TATDN1: variants seen among roughly 807,000 people sequenced by gnomAD.
TATDN1 encodes TatD DNase domain containing 1.
In TATDN1, 40 loss-of-function variants were observed where a neutral mutation model predicts 46.4. The ratio of observed to expected loss-of-function variants is 0.86; its 90% CI spans 0.67 to 1.12. TATDN1 has a LOEUF of 1.12. Ranked by LOEUF, TATDN1 falls within the 50% of genes most tolerant of loss-of-function variation. The pLI, the probability that TATDN1 is intolerant of heterozygous loss-of-function variation, is 0.00. For synonymous variants in TATDN1, 95 were observed against 105.6 expected, an observed-to-expected ratio of 0.90 and a Z score of 0.62; for missense variants, 326 against 348.4, an observed-to-expected ratio of 0.94 and a Z score of 0.51.
chr8:124,520,288 T>C (rs1819910881), intron 3 of TATDN1, among the ~76,000 whole-genome samples: 1 of 151,054 alleles, frequency 6.6e-6, no homozygotes, highest in South Asian at 2.1e-4. Context: ...AATACAAAAA[T>C]TAGCCAGGCG....
chr8:124,493,032 A>C (rs1817159454), intron 11 of TATDN1, among the ~76,000 whole-genome samples: 1 of 152,192 alleles, frequency 6.6e-6, no homozygotes, highest in South Asian at 2.1e-4. Context: ...TTTATAGAAT[A>C]ATTCTTCACT....
chr8:124,521,886 A>C (rs747249378), intron 3 of TATDN1: 3 of 301,390 alleles, frequency 1.0e-5, no homozygotes, highest in African/African-American at 2.2e-5. Context: ...AAGCCTGGTA[A>C]TTCACATAGG....
At chr8:124,529,697 A>C in intron 1 of TATDN1, among the ~76,000 whole-genome samples, 1 of 152,202 alleles carries the variant, frequency 6.6e-6, no homozygotes, top group East Asian at 1.9e-4. Flanking sequence ...CCACTCACTT[A>C]TTTTAAATGT....
intron 1 of TATDN1, among the ~76,000 whole-genome samples, chr8:124,530,723 A>T (rs909394523): frequency 5.3e-5 from 8 of 152,232 alleles, no homozygotes; most frequent in African/African-American, 1.9e-4. Flanking sequence ...GTAGCTAAAC[A>T]TCGAAGTTAT....
intron 1 of TATDN1, chr8:124,538,396 C>T (rs1351985354): frequency 6.5e-6 from 1 of 153,274 alleles, no homozygotes; most frequent in Non-Finnish European, 1.5e-5. Context: ...CCCCACAAAA[C>T]GAGGATCATG....
At chr8:124,511,641 T>C (rs1819026297) in intron 6 of TATDN1, among the ~76,000 whole-genome samples, 2 of 152,140 alleles carry the variant, frequency 1.3e-5, no homozygotes, top group Non-Finnish European at 2.9e-5. Context: ...TTTTCACTCT[T>C]TGCTTCTCTT....
chr8:124,537,195 C>A (rs375352878), intron 1 of TATDN1, among the ~76,000 whole-genome samples: 5 of 152,044 alleles, frequency 3.3e-5, no homozygotes, highest in African/African-American at 4.8e-5. Context: ...TTGTACTACG[C>A]CCCTAGGAAA....
At chr8:124,528,464 C>T (rs767842389) in intron 1 of TATDN1, among the ~76,000 whole-genome samples, 18 of 152,128 alleles carry the variant, frequency 1.2e-4, no homozygotes, top group Non-Finnish European at 2.1e-4. Flanking sequence ...TGAGCCACTG[C>T]GCCCGGCCTC....
intron 1 of TATDN1, among the ~76,000 whole-genome samples, chr8:124,528,816 AAGG>A (rs1403193029): frequency 6.6e-6 from 1 of 152,200 alleles, no homozygotes; most frequent in African/African-American, 2.4e-5. Context: ...CCCTCAACAT[AAGG>A]AGAAGAAAAA....
intron 1 of TATDN1, among the ~76,000 whole-genome samples, chr8:124,525,973 T>C (rs1313339777): frequency 6.6e-6 from 1 of 152,218 alleles, no homozygotes; most frequent in Non-Finnish European, 1.5e-5. Flanking sequence ...GCATTTAAAA[T>C]GTTCACAGCA....
chr8:124,505,395 A>G (rs935289452), intron 8 of TATDN1, among the ~76,000 whole-genome samples: 2 of 151,846 alleles, frequency 1.3e-5, no homozygotes, highest in African/African-American at 4.8e-5. Flanking sequence ...AAAAACAAAA[A>G]CAAAACAAAA....
intron 2 of TATDN1, 78 bp from the exon 3 acceptor site, chr8:124,522,278 G>T: frequency 1.2e-6 from 1 of 817,764 alleles, no homozygotes; most frequent in South Asian, 1.5e-5. Flanking sequence ...TGTGCAAATG[G>T]CTATTTGAAG....
intron 6 of TATDN1, among the ~76,000 whole-genome samples, chr8:124,514,738 A>T (rs1469687299): frequency 6.6e-6 from 1 of 152,218 alleles, no homozygotes; most frequent in Non-Finnish European, 1.5e-5. Context: ...CTCACCCACC[A>T]GTATGATGAC....
At chr8:124,529,247 C>T (rs1365914797) in intron 1 of TATDN1, among the ~76,000 whole-genome samples, 4 of 152,228 alleles carry the variant, frequency 2.6e-5, no homozygotes, top group Non-Finnish European at 4.4e-5. Flanking sequence ...CCCGAGGTCT[C>T]TCATACTCCT....
intron 6 of TATDN1, among the ~76,000 whole-genome samples, chr8:124,509,765 G>A (rs1258549547): frequency 5.9e-5 from 9 of 152,126 alleles, no homozygotes; most frequent in Non-Finnish European, 1.0e-4. Context: ...CAGGCCGGGC[G>A]TGGTGGCTCA....
At chr8:124,516,093 G>T in intron 4 of TATDN1, 63 bp from the exon 5 acceptor site, 3 of 1,369,106 alleles carry the variant, frequency 2.2e-6, no homozygotes, top group East Asian at 2.6e-5. Context: ...TATTTATTAT[G>T]ATATTTAGAG....
intron 1 of TATDN1, chr8:124,523,229 C>G (rs1820209682): frequency 2.0e-6 from 1 of 497,802 alleles, no homozygotes; most frequent in Admixed American, 3.6e-5. Flanking sequence ...AAGGCAGATC[C>G]ATTATCAGAC....
intron 1 of TATDN1, among the ~76,000 whole-genome samples, chr8:124,530,842 TTTATG>T (rs1383704981): frequency 1.7e-4 from 26 of 152,110 alleles, no homozygotes; most frequent in African/African-American, 6.3e-4. Flanking sequence ...ATGAAAGCAG[TTTATG>T]TTGACTATTG....
intron 6 of TATDN1, among the ~76,000 whole-genome samples, chr8:124,511,528 A>G (rs1819013114): frequency 6.6e-6 from 1 of 152,228 alleles, no homozygotes; most frequent in Non-Finnish European, 1.5e-5. Flanking sequence ...ACAGAGCTCT[A>G]AATTGCAACA....
Sources: allele counts gnomAD v4.1 joint callset (sites outside exome capture counted in the v4.1 genomes callset), GRCh38; gene constraint gnomAD v4.1.1; transcripts MANE v1.5; gene names NCBI Gene and HGNC (gene_info 2026-07-23, HGNC 2026-07-21).